Variants in UTRN observed in about 807,000 individuals in gnomAD.
UTRN encodes utrophin.
Under a neutral mutation model 463.9 loss-of-function variants are expected in UTRN, and 283 were observed. The observed-to-expected ratio is 0.61, with a 90% CI of 0.55 to 0.67. UTRN has a LOEUF of 0.67. Ranked by LOEUF, UTRN falls within the 30% of genes least tolerant of loss-of-function variation. The pLI is 0.00. For missense variants in UTRN, 3,922 were observed against 4,084.3 expected, an observed-to-expected ratio of 0.96 and a Z score of 1.08; for synonymous variants, 1,442 against 1,431.5, an observed-to-expected ratio of 1.01 and a Z score of -0.17.
At chr6:144,585,706 A>G (rs1350361363) in intron 51 of UTRN, among the ~76,000 whole-genome samples, 1 of 152,166 alleles carries the variant, frequency 6.6e-6, no homozygotes, top group African/African-American at 2.4e-5. Context: ...CATGTGTCAT[A>G]CCTAAAAGTT....
chr6:144,423,691 C>G (rs1785053327), intron 5 of UTRN, 65 bp downstream of exon 5: 1 of 1,554,904 alleles, frequency 6.4e-7, no homozygotes, highest in African/African-American at 1.4e-5. Context: ...GTGAAACTCA[C>G]CAACTGCTTG....
At chr6:144,788,787 TCC>T (rs1776512385) in intron 61 of UTRN, among the ~76,000 whole-genome samples, 1 of 152,228 alleles carries the variant, frequency 6.6e-6, no homozygotes, top group Admixed American at 6.5e-5. Context: ...GGTCTCGAAC[TCC>T]TGACCTCAGG....
At chr6:144,516,436 T>C (rs1450735378) in intron 38 of UTRN, 49 bp downstream of exon 38, 1 of 1,557,004 alleles carries the variant, frequency 6.4e-7, no homozygotes, top group Non-Finnish European at 8.7e-7. Flanking sequence ...TTTTCTTCTC[T>C]ATTAATTTCA....
intron 2 of UTRN, among the ~76,000 whole-genome samples, chr6:144,365,880 G>A (rs1465905970): frequency 6.6e-6 from 1 of 152,124 alleles, no homozygotes; most frequent in African/African-American, 2.4e-5. Flanking sequence ...TGGGACTGCA[G>A]GCATGTGTCA....
At position 144,453,869 on chromosome 6, in the gene UTRN, G is replaced by A. The variant is rs777375106; in HGVS notation, c.2284G>A (p.Glu762Lys). The change falls in exon 19 of 75, where the codon GAA (glutamate) becomes AAA (lysine). Residue 762 changes from glutamate to lysine, a missense_variant and splice_region_variant. Physicochemically the swap from Glu to Lys is moderately conservative, Grantham distance 56 (BLOSUM62 1). This residue lies in a region of UTRN where 2,349 missense variants were observed against 2,303.8 expected (regional missense o/e 1.02). Coordinates refer to ENST00000367545, the MANE Select transcript of UTRN (RefSeq NM_007124.3). ...AATCCTTGTGGAGCAAATGGGAAAA[G>A]GTAAGATCCTTGATTTTTTTCCCCT... ...GQILVEQMGK[E>K]GLPTEEIKNV... The A allele has an allele frequency of 6.2e-7, 1 of 1,611,482 alleles. No homozygotes were observed.
intron 2 of UTRN, among the ~76,000 whole-genome samples, chr6:144,363,450 A>G (rs1779246556): frequency 6.6e-6 from 1 of 152,150 alleles, no homozygotes; most frequent in Non-Finnish European, 1.5e-5. Flanking sequence ...TTGTAGCATT[A>G]TTACTATTTG....
At chr6:144,567,039 A>G (rs1327207212) in intron 50 of UTRN, among the ~76,000 whole-genome samples, 1 of 151,880 alleles carries the variant, frequency 6.6e-6, no homozygotes, top group Non-Finnish European at 1.5e-5. Flanking sequence ...CCCAGCTACT[A>G]GGGAGGCTGA....
At chr6:144,839,002 G>A in intron 71 of UTRN, 171 bp from the exon 72 acceptor site, 2 of 532,848 alleles carry the variant, frequency 3.8e-6, no homozygotes, top group Middle Eastern at 3.3e-4. Context: ...GGAAAGAGAA[G>A]GACCAAAGCC....
intron 2 of UTRN, among the ~76,000 whole-genome samples, chr6:144,305,256 A>G (rs1226207905): frequency 6.6e-6 from 1 of 152,222 alleles, no homozygotes; most frequent in Non-Finnish European, 1.5e-5. Flanking sequence ...CAGGTTGCAC[A>G]ATGTATTGAA....
chr6:144,655,142 A>T (rs1032922533), intron 51 of UTRN, among the ~76,000 whole-genome samples: 1 of 152,240 alleles, frequency 6.6e-6, no homozygotes, highest in Non-Finnish European at 1.5e-5. Context: ...TAGTGCCTGA[A>T]CTTCCTGGGA....
chr6:144,436,725 T>C (rs1006101375), intron 10 of UTRN, among the ~76,000 whole-genome samples: 6 of 147,582 alleles, frequency 4.1e-5, no homozygotes, highest in Non-Finnish European at 6.0e-5. Flanking sequence ...CTTAAACAGT[T>C]CCTCTTGGGT....
chr6:144,817,483 T>G (rs1290481761), intron 65 of UTRN, among the ~76,000 whole-genome samples: 1 of 152,170 alleles, frequency 6.6e-6, no homozygotes, highest in Non-Finnish European at 1.5e-5. Flanking sequence ...ATTATATTTA[T>G]TATGGTAAGT....
chr6:144,448,559 G>A, intron 16 of UTRN, 41 bp from the exon 17 acceptor site: 1 of 1,587,208 alleles, frequency 6.3e-7, no homozygotes, highest in Non-Finnish European at 8.6e-7. Context: ...TCTCAATGAA[G>A]CTGTTATAAA....
At chr6:144,581,520 G>A (rs11964955) in intron 51 of UTRN, among the ~76,000 whole-genome samples, 9,795 of 151,954 alleles carry the variant, frequency 0.064, 926 homozygotes, top group African/African-American at 0.21. Context: ...CATTTTCATC[G>A]TCTTGTTCCA....
chr6:144,651,558 T>G (rs1445823952), intron 51 of UTRN, among the ~76,000 whole-genome samples: 1 of 152,240 alleles, frequency 6.6e-6, no homozygotes, highest in African/African-American at 2.4e-5. Context: ...ATAATACAGA[T>G]AAGTAATCTA....
chr6:144,744,009 T>A (rs1790391628), intron 54 of UTRN, among the ~76,000 whole-genome samples: 1 of 149,832 alleles, frequency 6.7e-6, no homozygotes, highest in African/African-American at 2.4e-5. Flanking sequence ...AGTAAGAGGC[T>A]AGGTGCGGTG....
rs1421037223 is a variant in UTRN at position 144,357,943 on chromosome 6, C to T, written c.80-45180C>T. On this transcript the variant is annotated intron_variant, in intron 2 of 74. Transcript: ENST00000367545. ...GGGTAGGAGCCTGTGGCTCCCTCCC[C>T]GCCATCTTGTCCCCAACCATTCTTA... is the stretch of plus-strand genomic sequence containing the variant. Among the ~76,000 whole-genome samples, 9 of 152,214 alleles carry T rather than the reference C, an allele frequency of 5.9e-5. No homozygotes were observed. The South Asian group carries it at 1.2e-3, about 21-fold the overall frequency.
At chr6:144,701,615 A>T (rs1784599729) in intron 53 of UTRN, among the ~76,000 whole-genome samples, 1 of 151,966 alleles carries the variant, frequency 6.6e-6, no homozygotes, top group Non-Finnish European at 1.5e-5. Flanking sequence ...ATCTTATTTT[A>T]TTGTATTTTT....
At chr6:144,589,962 C>A (rs1421154779) in intron 51 of UTRN, among the ~76,000 whole-genome samples, 1 of 151,966 alleles carries the variant, frequency 6.6e-6, no homozygotes, top group Non-Finnish European at 1.5e-5. Context: ...AGCTATCCTC[C>A]CGCCTCAGCC....
Sources: gnomAD v4.1 joint callset for allele counts (sites outside exome capture counted in the v4.1 genomes callset) on GRCh38, gnomAD v4.1.1 for gene constraint, gnomAD v4.1.1 regional missense constraint, MANE v1.5 for transcripts, NCBI Gene and HGNC (gene_info 2026-07-23, HGNC 2026-07-21) for gene names.